KIAA1217: variants seen among roughly 807,000 people sequenced by gnomAD.
The protein encoded by KIAA1217 is sickle tail protein homolog.
KIAA1217 carries 88 observed loss-of-function variants against 163.9 expected under a neutral mutation model. That is an observed-to-expected ratio of 0.54 (90% CI 0.45 to 0.64). The LOEUF (loss-of-function observed/expected upper bound fraction) is 0.64, where lower values mean the gene tolerates loss of function less well. Among genes scored for constraint, KIAA1217 ranks in the 30% least tolerant of loss-of-function variants. The probability of loss-of-function intolerance (pLI) is 0.00; values close to 1 mark genes in which losing one functional copy is unlikely to be tolerated. For synonymous variants in KIAA1217, 903 were observed against 923.1 expected, an observed-to-expected ratio of 0.98 and a Z score of 0.39; for missense variants, 2,372 against 2,475.0, an observed-to-expected ratio of 0.96 and a Z score of 0.88.
chr10:23,770,335 T>G (rs1834737647), intron 1 of KIAA1217, among the ~76,000 whole-genome samples: 1 of 152,240 alleles, frequency 6.6e-6, no homozygotes. Flanking sequence ...TGAAACTTCA[T>G]GCTTGCTATC....
intron 3 of KIAA1217, 47 bp downstream of exon 3, chr10:24,381,114 G>A (rs374895309): frequency 1.4e-4 from 204 of 1,408,754 alleles, no homozygotes; most frequent in Middle Eastern, 1.1e-3. Flanking sequence ...TACTGAATGC[G>A]TTTGTTGTTA....
At chr10:24,119,686 C>T (rs1386440737) in intron 2 of KIAA1217, among the ~76,000 whole-genome samples, 2 of 152,060 alleles carry the variant, frequency 1.3e-5, no homozygotes, top group Non-Finnish European at 2.9e-5. Flanking sequence ...CTTAGGGGCT[C>T]CTAACATCTA....
intron 2 of KIAA1217, among the ~76,000 whole-genome samples, chr10:24,138,231 G>A (rs889883853): frequency 6.6e-6 from 1 of 152,156 alleles, no homozygotes; most frequent in Non-Finnish European, 1.5e-5. Flanking sequence ...ATGGCTAACT[G>A]CAACCTCGAA....
intron 2 of KIAA1217, among the ~76,000 whole-genome samples, chr10:24,088,256 C>CATATACATATATATATATATATATATAT (rs1554861323): frequency 1.9e-4 from 18 of 95,852 alleles, no homozygotes; most frequent in African/African-American, 5.7e-4. Context: ...TTTTAATATA[C>CATATACATATATATATATATATATATAT]ATATATATAT....
intron 3 of KIAA1217, among the ~76,000 whole-genome samples, chr10:24,391,243 T>C (rs1343365064): frequency 6.6e-6 from 1 of 151,948 alleles, no homozygotes; most frequent in Non-Finnish European, 1.5e-5. Flanking sequence ...AGAGGGACTT[T>C]CAGTGATCAG....
chr10:24,438,039 T>C (rs969282351), intron 4 of KIAA1217, among the ~76,000 whole-genome samples: 2 of 151,516 alleles, frequency 1.3e-5, no homozygotes, highest in Non-Finnish European at 2.9e-5. Context: ...TTTGAATGTA[T>C]TGTAAATATT....
At chr10:24,302,756 A>T (rs1319450803) in intron 2 of KIAA1217, among the ~76,000 whole-genome samples, 1 of 152,114 alleles carries the variant, frequency 6.6e-6, no homozygotes, top group Non-Finnish European at 1.5e-5. Context: ...GGATGAAAGG[A>T]CACTTTGAGC....
At chr10:24,338,765 T>G (rs982467932) in intron 2 of KIAA1217, among the ~76,000 whole-genome samples, 1 of 152,210 alleles carries the variant, frequency 6.6e-6, no homozygotes, top group African/African-American at 2.4e-5. Context: ...ATTTCCTTTA[T>G]TTGTTTTTTT....
At chr10:24,178,857 G>T (rs1297577934) in intron 2 of KIAA1217, among the ~76,000 whole-genome samples, 2 of 152,042 alleles carry the variant, frequency 1.3e-5, no homozygotes, top group African/African-American at 2.4e-5. Flanking sequence ...TCAGGGAAAT[G>T]GGACATATGA....
At chr10:24,158,371 T>A (rs1369498359) in intron 2 of KIAA1217, 1 of 643,774 alleles carries the variant, frequency 1.6e-6, no homozygotes, top group Non-Finnish European at 3.0e-6. Context: ...GTTCGGGTTT[T>A]CTCAAGCCTC....
chr10:24,409,965 ATTTCT>A (rs71397946), intron 3 of KIAA1217, among the ~76,000 whole-genome samples: 5 of 146,450 alleles, frequency 3.4e-5, no homozygotes, highest in Admixed American at 1.4e-4. Flanking sequence ...ATATATCACA[ATTTCT>A]TTTCTTTTCT....
chr10:24,037,136 G>A (rs866208716), intron 2 of KIAA1217, among the ~76,000 whole-genome samples: 1 of 152,050 alleles, frequency 6.6e-6, no homozygotes, highest in Non-Finnish European at 1.5e-5. Flanking sequence ...TTAGGTCATT[G>A]TGGGGAGATA....
intron 1 of KIAA1217, among the ~76,000 whole-genome samples, chr10:23,812,945 C>G (rs1837141224): frequency 2.0e-5 from 3 of 151,828 alleles, no homozygotes; most frequent in Admixed American, 6.6e-5. Context: ...GTTTTTCTCT[C>G]TTGGGTGTAA....
At chr10:23,738,778 T>C (rs1460094070) in intron 1 of KIAA1217, among the ~76,000 whole-genome samples, 1 of 152,110 alleles carries the variant, frequency 6.6e-6, no homozygotes, top group Admixed American at 6.5e-5. Flanking sequence ...GCACCTACTA[T>C]GTGCCAGGTA....
chr10:23,805,913 G>A (rs1469733122), intron 1 of KIAA1217, among the ~76,000 whole-genome samples: 3 of 148,934 alleles, frequency 2.0e-5, no homozygotes, highest in Non-Finnish European at 4.4e-5. Flanking sequence ...CTACTCAGGG[G>A]GCTGAGTGAG....
chr10:23,715,337 A>C (rs1207958066), intron 1 of KIAA1217, among the ~76,000 whole-genome samples: 1 of 152,178 alleles, frequency 6.6e-6, no homozygotes, highest in Admixed American at 6.6e-5. Flanking sequence ...GTTTAGCCCA[A>C]CACTTGTTAA....
At chr10:24,352,046 G>A (rs2048519357) in intron 2 of KIAA1217, among the ~76,000 whole-genome samples, 1 of 152,204 alleles carries the variant, frequency 6.6e-6, no homozygotes, top group Admixed American at 6.5e-5. Flanking sequence ...TTTCTGGCTG[G>A]GCTGTTTTTC....
chr10:23,815,634 A>C (rs1038979666), intron 1 of KIAA1217, among the ~76,000 whole-genome samples: 1 of 152,148 alleles, frequency 6.6e-6, no homozygotes, highest in African/African-American at 2.4e-5. Flanking sequence ...ACAGAGCAAG[A>C]CTCCATCTCA....
chr10:23,708,374 A>C (rs1309750050), intron 1 of KIAA1217, among the ~76,000 whole-genome samples: 1 of 152,170 alleles, frequency 6.6e-6, no homozygotes, highest in Non-Finnish European at 1.5e-5. Context: ...GAGGGTACAC[A>C]CATCTGTCTG....
Sources: gnomAD v4.1 joint callset for allele counts (sites outside exome capture counted in the v4.1 genomes callset) on GRCh38, gnomAD v4.1.1 for gene constraint, MANE v1.5 for transcripts, NCBI Gene and HGNC (gene_info 2026-07-23, HGNC 2026-07-21) for gene names.